PIAS1: variants seen among roughly 807,000 people sequenced by gnomAD.
The protein encoded by PIAS1 is protein inhibitor of activated STAT 1, also known as E3 SUMO-protein ligase PIAS1.
In PIAS1, 6 loss-of-function variants were observed where a neutral mutation model predicts 71.3. The observed-to-expected ratio is 0.08, with a 90% CI of 0.05 to 0.17. The LOEUF (loss-of-function observed/expected upper bound fraction) is 0.17, where lower values mean the gene tolerates loss of function less well. Ranked by LOEUF, PIAS1 falls within the 10% of genes least tolerant of loss-of-function variation. The pLI is 1.00. For synonymous variants in PIAS1, 303 were observed against 292.9 expected, an observed-to-expected ratio of 1.03 and a Z score of -0.35; for missense variants, 555 against 793.6, an observed-to-expected ratio of 0.70 and a Z score of 3.61.
intron 2 of PIAS1, 59 bp from the exon 3 acceptor site, chr15:68,141,883 TTTGC>T: frequency 2.0e-6 from 2 of 996,608 alleles, no homozygotes; most frequent in African/African-American, 1.6e-5. Flanking sequence ...GTTTTTTTTT[TTTGC>T]TTTTGTCTTT....
intron 1 of PIAS1, among the ~76,000 whole-genome samples, chr15:68,081,067 T>G (rs1340772852): frequency 6.6e-6 from 1 of 152,260 alleles, no homozygotes; most frequent in Non-Finnish European, 1.5e-5. Context: ...TGACGTTGTT[T>G]GAGTATTGTC....
chr15:68,088,549 T>G (rs2092306811), intron 2 of PIAS1, among the ~76,000 whole-genome samples: 1 of 152,136 alleles, frequency 6.6e-6, no homozygotes, highest in Non-Finnish European at 1.5e-5. Flanking sequence ...CTTAGTGATA[T>G]GTAAATAGAT....
chr15:68,181,199 T>C lies in PIAS1; in HGVS notation c.1482-13T>C. The C allele has an allele frequency of 1.2e-6, 2 of 1,611,658 alleles. No individual in the cohort carries two copies. The highest frequency in any genetic ancestry group is 1.7e-6 in the Non-Finnish European group (2 of 1,178,594). ...TGGCTAATGAAAACTATGCCAATCTTTCCTTCTTCCAGCATTTTAAGTCTT... is the reference window on the plus strand; with the variant it reads ...TGGCTAATGAAAACTATGCCAATCTCTCCTTCTTCCAGCATTTTAAGTCTT... On this transcript the variant is annotated splice_polypyrimidine_tract_variant and intron_variant, in intron 11 of 13. Coordinates refer to ENST00000249636, the MANE Select transcript of PIAS1 (RefSeq NM_016166.3).
At position 68,191,390 on chromosome 15, in the gene PIAS1, A is replaced by T. The variant is rs1053622294; in HGVS notation, c.*3555A>T. On this transcript the variant is annotated 3_prime_UTR_variant, in exon 14 of 14. Transcript: ENST00000249636. ...AATATTTATTACATGCATTGGAAAA[A>T]AATTGTTTACCTATTGAATGTTACC... 1 of 152,674 alleles carries T rather than the reference A, an allele frequency of 6.5e-6. No individual in the cohort carries two copies. The highest frequency in any genetic ancestry group is 6.5e-5 in the Admixed American group (1 of 15,286). The allele number at this position is 152,674 out of a possible 1,614,324, so 9.5% of individuals were successfully genotyped here.
chr15:68,109,665 G>A (rs1244270800), intron 2 of PIAS1, among the ~76,000 whole-genome samples: 2 of 152,132 alleles, frequency 1.3e-5, no homozygotes, highest in Non-Finnish European at 2.9e-5. Flanking sequence ...AAAGACTGAG[G>A]TTCACTAAAC....
intron 2 of PIAS1, among the ~76,000 whole-genome samples, chr15:68,108,717 A>G (rs944223097): frequency 6.6e-6 from 1 of 152,138 alleles, no homozygotes; most frequent in Non-Finnish European, 1.5e-5. Flanking sequence ...GGTTAAGAGT[A>G]TCTTCATCCT....
chr15:68,133,305 A>G (rs556998908), intron 2 of PIAS1, among the ~76,000 whole-genome samples: 9 of 152,170 alleles, frequency 5.9e-5, no homozygotes, highest in Non-Finnish European at 1.0e-4. Flanking sequence ...CAATAGTCCA[A>G]GACAGGAAGG....
intron 2 of PIAS1, among the ~76,000 whole-genome samples, chr15:68,098,107 A>G (rs1171759564): frequency 1.3e-5 from 2 of 152,232 alleles, no homozygotes; most frequent in African/African-American, 4.8e-5. Flanking sequence ...CCCTTGAACA[A>G]CAAGGGGATT....
intron 2 of PIAS1, among the ~76,000 whole-genome samples, chr15:68,121,392 TC>T (rs2092612433): frequency 6.6e-6 from 1 of 152,096 alleles, no homozygotes; most frequent in African/African-American, 2.4e-5. Context: ...TTGTCTTTTT[TC>T]TTCTGGCTGC....
Position 68,173,722 on chromosome 15 carries a change from C to T in PIAS1, c.1009-10C>T. ...ATTATCTAATATTTACTTTTTCTCC[C>T]TTTTTAAAGCTTGGTAAAATGCGGC... is the stretch of plus-strand genomic sequence containing the variant. On this transcript the variant is annotated splice_polypyrimidine_tract_variant and intron_variant, in intron 8 of 13. Coordinates refer to ENST00000249636, the MANE Select transcript of PIAS1 (RefSeq NM_016166.3). The surrounding 1 kb of genome is among the most constrained non-coding windows in gnomAD (Gnocchi z 4.3). 2.0e-6 allele frequency: 3 copies of T among 1,501,942 alleles called. No individual in the cohort carries two copies. Among genetic ancestry groups the T allele is most frequent in the South Asian group, 1.3e-5 (1 of 75,170 alleles). The allele number at this position is 1,501,942 out of a possible 1,614,324, so 93.0% of individuals were successfully genotyped here.
At chr15:68,131,197 A>G (rs971221077) in intron 2 of PIAS1, among the ~76,000 whole-genome samples, 5 of 152,182 alleles carry the variant, frequency 3.3e-5, no homozygotes, top group Non-Finnish European at 5.9e-5. Context: ...AAGAAGTAGA[A>G]AAAGTGTTCT....
chr15:68,173,948 T>G lies in PIAS1; in HGVS notation c.1169+56T>G. 8.8e-7 allele frequency: 1 copy of G among 1,136,924 alleles called. No homozygotes were observed. Among genetic ancestry groups the G allele is most frequent in the Non-Finnish European group, 1.2e-6 (1 of 854,412 alleles). 70.4% of individuals were successfully genotyped at this position (1,136,924 alleles called of 1,614,324 possible). On this transcript the variant is annotated intron_variant, in intron 9 of 13. Transcript: ENST00000249636. This position sits in a 1 kb window ranked among gnomAD's most constrained non-coding sequence, Gnocchi z 4.3. ...GAAATGACCATATATTATCTGGGTTTGTTACACATCAGATTTGGGATGAAA... is the reference window on the plus strand; with the variant it reads ...GAAATGACCATATATTATCTGGGTTGGTTACACATCAGATTTGGGATGAAA...
chr15:68,087,749 G>C (rs1230638431), intron 2 of PIAS1: 5 of 311,226 alleles, frequency 1.6e-5, no homozygotes, highest in African/African-American at 4.4e-5. Flanking sequence ...CAAGTGTTGA[G>C]AACATTTTTT....
At chr15:68,104,664 AT>A in intron 2 of PIAS1, among the ~76,000 whole-genome samples, 1 of 152,308 alleles carries the variant, frequency 6.6e-6, no homozygotes, top group South Asian at 2.1e-4. Context: ...TTTATTATGT[AT>A]TTCAAAATAG....
At chr15:68,061,071 C>T (rs1008582540) in intron 1 of PIAS1, among the ~76,000 whole-genome samples, 5 of 152,192 alleles carry the variant, frequency 3.3e-5, no homozygotes, top group Non-Finnish European at 7.3e-5. Context: ...TTAATAAATG[C>T]ATATGTGAAT....
At chr15:68,148,057 AG>A (rs1258896971) in intron 6 of PIAS1, among the ~76,000 whole-genome samples, 1 of 152,206 alleles carries the variant, frequency 6.6e-6, no homozygotes, top group Non-Finnish European at 1.5e-5. Context: ...CCTGTGATGT[AG>A]GGGCCTGGTG....
At chr15:68,071,506 C>T (rs532809298) in intron 1 of PIAS1, among the ~76,000 whole-genome samples, 1 of 150,406 alleles carries the variant, frequency 6.6e-6, no homozygotes, top group East Asian at 2.0e-4. Flanking sequence ...TGAGCCACTG[C>T]GCCTGGCCAG....
intron 6 of PIAS1, among the ~76,000 whole-genome samples, chr15:68,147,868 T>C (rs2092819067): frequency 6.6e-6 from 1 of 151,772 alleles, no homozygotes; most frequent in African/African-American, 2.4e-5. Context: ...TGAGTGTGTT[T>C]CTGATCTTTT....
In PIAS1 at chr15:68,176,047, T is replaced by C. The variant is rs1416209616; in HGVS notation, c.1300+280T>C. 1.3e-5 allele frequency among the ~76,000 whole-genome samples: 2 copies of C among 152,204 alleles called. 1 individual carries two copies. Among genetic ancestry groups the C allele is most frequent in the African/African-American group, 4.8e-5 (2 of 41,464 alleles). ...TGAAACTGTACCCTTTTTAAATTTT[T>C]AACAGATTTGATACAGAGTAGTAAA... On this transcript the variant is annotated intron_variant, in intron 10 of 13. Transcript: ENST00000249636.
Sources: allele counts gnomAD v4.1 joint callset (sites outside exome capture counted in the v4.1 genomes callset), GRCh38; gene constraint gnomAD v4.1.1; non-coding constraint Gnocchi (gnomAD v3.1); transcripts MANE v1.5; gene names NCBI Gene and HGNC (gene_info 2026-07-23, HGNC 2026-07-21).